The following GSE1 variants were observed in gnomAD, a reference collection of about 807,000 sequenced individuals.
GSE1 encodes Gse1 coiled-coil protein, also known as genetic suppressor element 1.
GSE1 carries 32 observed loss-of-function variants against 112.6 expected under a neutral mutation model. That is an observed-to-expected ratio of 0.28 (90% CI 0.21 to 0.38). GSE1 has a LOEUF of 0.38. Ranked by LOEUF, GSE1 falls within the 10% of genes least tolerant of loss-of-function variation. The pLI, the probability that GSE1 is intolerant of heterozygous loss-of-function variation, is 1.00. For synonymous variants in GSE1, 1,115 were observed against 735.6 expected, an observed-to-expected ratio of 1.52 and a Z score of -8.35; for missense variants, 2,348 against 1,699.2, an observed-to-expected ratio of 1.38 and a Z score of -6.71.
chr16:85,516,055 G>A (rs1028985200), intron 2 of GSE1, among the ~76,000 whole-genome samples: 1 of 152,224 alleles, frequency 6.6e-6, no homozygotes. Context: ...AAGGAGGCCT[G>A]GGGGTAGTGG....
chr16:85,618,544 A>C (rs2048523595), intron 1 of GSE1, among the ~76,000 whole-genome samples: 1 of 152,238 alleles, frequency 6.6e-6, no homozygotes, highest in African/African-American at 2.4e-5. Context: ...AATCTGTGGA[A>C]TAGGAATGAC....
At chr16:85,182,676 G>C (rs1197515655) in intron 1 of GSE1, among the ~76,000 whole-genome samples, 2 of 152,144 alleles carry the variant, frequency 1.3e-5, no homozygotes, top group Admixed American at 1.3e-4. Flanking sequence ...AGGTGAACCA[G>C]GCCTGTCTTT....
At chr16:85,253,418 G>GT (rs1027418306) in intron 1 of GSE1, among the ~76,000 whole-genome samples, 1 of 152,248 alleles carries the variant, frequency 6.6e-6, no homozygotes, top group African/African-American at 2.4e-5. Flanking sequence ...TGGAAATGGG[G>GT]TGGGGTCTCC....
At chr16:85,179,729 C>A (rs889892716) in intron 1 of GSE1, among the ~76,000 whole-genome samples, 2 of 152,150 alleles carry the variant, frequency 1.3e-5, no homozygotes, top group African/African-American at 2.4e-5. Flanking sequence ...AGATGGCGAT[C>A]GTTTTTGTTC....
intron 2 of GSE1, among the ~76,000 whole-genome samples, chr16:85,528,574 C>T (rs574955421): frequency 1.3e-5 from 2 of 152,162 alleles, no homozygotes; most frequent in Admixed American, 6.5e-5. Flanking sequence ...TCCTCCTGCC[C>T]CAGCCTCCTT....
chr16:85,244,137 T>G (rs895386425), intron 1 of GSE1, among the ~76,000 whole-genome samples: 16 of 151,678 alleles, frequency 1.1e-4, no homozygotes, highest in Non-Finnish European at 5.9e-5. Context: ...CAAAAAAAAG[T>G]GGGGGGCATT....
At chr16:85,292,467 T>C (rs763289389) in intron 1 of GSE1, among the ~76,000 whole-genome samples, 4 of 152,158 alleles carry the variant, frequency 2.6e-5, no homozygotes, top group Non-Finnish European at 4.4e-5. Context: ...TAGCTGGGAT[T>C]ACAAGCACGT....
At chr16:85,428,412 C>T (rs190507474) in intron 2 of GSE1, among the ~76,000 whole-genome samples, 1 of 152,346 alleles carries the variant, frequency 6.6e-6, no homozygotes. Flanking sequence ...ACCTGCTGGC[C>T]CTGTAACGCT....
chr16:85,430,336 C>T (rs1021268964), intron 2 of GSE1, among the ~76,000 whole-genome samples: 4 of 152,190 alleles, frequency 2.6e-5, no homozygotes, highest in East Asian at 1.9e-4. Flanking sequence ...TGGCCGGACA[C>T]CCAGACAGCC....
chr16:85,504,239 C>G (rs1340117166), intron 2 of GSE1, among the ~76,000 whole-genome samples: 2 of 152,180 alleles, frequency 1.3e-5, no homozygotes, highest in African/African-American at 2.4e-5. Context: ...AGGGCCACCC[C>G]CAAAGCCCAC....
In GSE1 at chr16:85,419,766, C is replaced by T. The variant is rs1034065193; in HGVS notation, c.2464+62123C>T. 6.6e-5 allele frequency among the ~76,000 whole-genome samples: 10 copies of T among 151,976 alleles called. No homozygotes were observed. The highest frequency in any genetic ancestry group is 2.4e-4 in the African/African-American group (10 of 41,366). On this transcript the variant is annotated intron_variant, in intron 2 of 2. Transcript: ENST00000637419. The surrounding 1 kb of genome is among the most constrained non-coding windows in gnomAD (Gnocchi z 6.5). ...CTGATGCCTGCCTCCCCCGCCCCGC[C>T]CCCACCCCTCCAAGACTCTGATGGA...
rs2051073294 is a variant in GSE1 at position 85,648,556 on chromosome 16, C to G, written c.231C>G (p.Ser77=). The G allele has an allele frequency of 1.9e-6, 3 of 1,544,810 alleles. No individual in the cohort carries two copies. Among genetic ancestry groups the G allele is most frequent in the Non-Finnish European group, 2.6e-6 (3 of 1,142,694 alleles). ...LAKQAEEPRG[S]SLSSESSPVS... ...CCACCGTCTTCTCCTCCACAGGGTC[C>G]TCACTGAGCAGCGAGTCGTCCCCCG... The change falls in exon 3 of 16, where the codon TCC becomes TCG. Residue 77 remains serine, a synonymous_variant. Coordinates refer to ENST00000253458, the MANE Select transcript of GSE1 (RefSeq NM_014615.5).
Position 85,654,983 on chromosome 16 carries a change from G to T in GSE1, c.789G>T (p.Pro263=). Residue 263 remains proline, a synonymous_variant, in exon 5 of 16, where the codon CCG becomes CCT. Transcript: ENST00000253458. Reference sequence around the variant, plus strand: ...TGGCCCCACACCCCTTCCCCCACCCGGCCTTCAGGTGAGGCATCCCCCACG... The same window carrying T: ...TGGCCCCACACCCCTTCCCCCACCCTGCCTTCAGGTGAGGCATCCCCCACG... ...SYLAPHPFPH[P]AFRMDDSYCL... 1 of 1,571,072 alleles carries T rather than the reference G, an allele frequency of 6.4e-7. No individual in the cohort carries two copies. The highest frequency in any genetic ancestry group is 1.3e-5 in the African/African-American group (1 of 74,296).
intron 2 of GSE1, among the ~76,000 whole-genome samples, chr16:85,441,774 T>A (rs1001886524): frequency 6.6e-6 from 1 of 152,228 alleles, no homozygotes; most frequent in African/African-American, 2.4e-5. Flanking sequence ...CCAGGATTGA[T>A]GGCAGTGGGC....
At chr16:85,654,210 C>A in intron 3 of GSE1, 68 bp from the exon 4 acceptor site, 1 of 1,428,772 alleles carries the variant, frequency 7.0e-7, no homozygotes, top group South Asian at 1.3e-5. Flanking sequence ...GTCAGGAGAC[C>A]TGGCTGTGTC....
At chr16:85,354,921 C>T (rs59079813) in intron 1 of GSE1, among the ~76,000 whole-genome samples, 3,086 of 152,320 alleles carry the variant, frequency 0.02, 84 homozygotes, top group African/African-American at 0.064. Context: ...CCCCAGGGTA[C>T]CTGCCGTCCT....
intron 1 of GSE1, among the ~76,000 whole-genome samples, chr16:85,319,999 C>G (rs1308167897): frequency 6.6e-6 from 1 of 152,238 alleles, no homozygotes; most frequent in East Asian, 1.9e-4. Context: ...CGGTTCGCTT[C>G]TCCTTGGGGT....
intron 2 of GSE1, among the ~76,000 whole-genome samples, chr16:85,460,043 G>A (rs543984196): frequency 3.9e-5 from 6 of 152,146 alleles, no homozygotes; most frequent in East Asian, 1.9e-4. Context: ...CCAGGGCCCC[G>A]CAGTGCACAT....
intron 1 of GSE1, among the ~76,000 whole-genome samples, chr16:85,281,998 G>A (rs967605843): frequency 7.9e-5 from 12 of 152,010 alleles, no homozygotes; most frequent in East Asian, 1.9e-4. Flanking sequence ...TGCCACAGCC[G>A]GGGTTATCCT....
Sources: allele counts gnomAD v4.1 joint callset (sites outside exome capture counted in the v4.1 genomes callset), GRCh38; gene constraint gnomAD v4.1.1; non-coding constraint Gnocchi (gnomAD v3.1); transcripts MANE v1.5; gene names NCBI Gene and HGNC (gene_info 2026-07-23, HGNC 2026-07-21).